The following TTC28 variants were observed in gnomAD, a reference collection of about 807,000 sequenced individuals.
The protein encoded by TTC28 is tetratricopeptide repeat domain 28.
TTC28 carries 61 observed loss-of-function variants against 198.0 expected under a neutral mutation model. The observed-to-expected ratio is 0.31, with a 90% CI of 0.25 to 0.38. The LOEUF (loss-of-function observed/expected upper bound fraction) is 0.38, where lower values mean the gene tolerates loss of function less well. TTC28 is among the 10% of genes least tolerant of loss of function. The pLI, the probability that TTC28 is intolerant of heterozygous loss-of-function variation, is 1.00. For synonymous variants in TTC28, 1,171 were observed against 1,297.8 expected (o/e 0.90, Z 2.10); for missense variants, 2,678 against 3,164.0 (o/e 0.85, Z 3.69).
intron 2 of TTC28, among the ~76,000 whole-genome samples, chr22:28,607,659 A>AT (rs1367964886): frequency 6.6e-6 from 1 of 152,032 alleles, no homozygotes; most frequent in Non-Finnish European, 1.5e-5. Flanking sequence ...TCTAATTCTG[A>AT]TTTTTTTCCT....
chr22:28,162,012 C>G (rs952122288), intron 6 of TTC28, among the ~76,000 whole-genome samples: 3 of 152,106 alleles, frequency 2.0e-5, no homozygotes, highest in Admixed American at 6.5e-5. Flanking sequence ...TGTCCTCTCC[C>G]CGTCCTGAAT....
intron 5 of TTC28, among the ~76,000 whole-genome samples, chr22:28,198,370 T>C (rs1256425035): frequency 6.6e-6 from 1 of 152,106 alleles, no homozygotes; most frequent in Non-Finnish European, 1.5e-5. Context: ...CATTGCTTTT[T>C]ATACAAACAA....
At chr22:28,347,282 A>C (rs2045919125) in intron 2 of TTC28, among the ~76,000 whole-genome samples, 1 of 151,506 alleles carries the variant, frequency 6.6e-6, no homozygotes, top group Non-Finnish European at 1.5e-5. Flanking sequence ...AAAAAAAAAA[A>C]AAACAAAAAA....
intron 2 of TTC28, among the ~76,000 whole-genome samples, chr22:28,563,916 G>A (rs950055034): frequency 6.6e-6 from 1 of 152,080 alleles, no homozygotes. Context: ...CGAATGAATG[G>A]ATAAATGAAT....
rs1023294578 is a variant in TTC28 at position 28,411,273 on chromosome 22, A to T, written c.382-104630T>A. On this transcript the variant is annotated intron_variant, in intron 2 of 22. Transcript: ENST00000397906. ...AGCTTTCAGAGTGAATAACAGAAACACTTGGAGATCCTAGCTATCTGATGC... is the reference window on the plus strand; with the variant it reads ...AGCTTTCAGAGTGAATAACAGAAACTCTTGGAGATCCTAGCTATCTGATGC... Among the ~76,000 whole-genome samples, 3 of 152,326 alleles carry T rather than the reference A, an allele frequency of 2.0e-5. No individual in the cohort carries two copies. In the East Asian group the frequency reaches 5.8e-4, roughly 29 times the overall value.
intron 2 of TTC28, among the ~76,000 whole-genome samples, chr22:28,472,922 GA>G (rs2048116971): frequency 6.6e-6 from 1 of 152,106 alleles, no homozygotes; most frequent in East Asian, 1.9e-4. Context: ...TCAGAATGGA[GA>G]AAGAAAGGAT....
intron 2 of TTC28, among the ~76,000 whole-genome samples, chr22:28,553,221 G>A (rs1022547323): frequency 6.6e-6 from 1 of 151,972 alleles, no homozygotes; most frequent in Non-Finnish European, 1.5e-5. Flanking sequence ...CGTCTGGGAA[G>A]TGAGGAGCGT....
chr22:28,514,728 T>C (rs1217304017), intron 2 of TTC28, among the ~76,000 whole-genome samples: 1 of 152,198 alleles, frequency 6.6e-6, no homozygotes, highest in African/African-American at 2.4e-5. Context: ...TCTCAATACA[T>C]ATGGTATGCA....
intron 5 of TTC28, among the ~76,000 whole-genome samples, chr22:28,262,828 G>A (rs980374119): frequency 1.3e-5 from 2 of 152,126 alleles, no homozygotes; most frequent in East Asian, 1.9e-4. Flanking sequence ...GGGAGAGGAT[G>A]GTTCCTACGA....
At chr22:28,647,820 C>G (rs1350372890) in intron 1 of TTC28, among the ~76,000 whole-genome samples, 1 of 151,648 alleles carries the variant, frequency 6.6e-6, no homozygotes, top group African/African-American at 2.4e-5. Flanking sequence ...GCCTGGGCGA[C>G]AGAGTGAGAC....
Position 28,068,159 on chromosome 22 carries a change from T to A in TTC28, c.3932+25921A>T, listed in dbSNP as rs1404585918. On this transcript the variant is annotated intron_variant, in intron 12 of 22. Coordinates refer to ENST00000397906, the MANE Select transcript of TTC28 (RefSeq NM_001145418.2). ...CTTTTCATGAGCCTTGACAGAGCTC[T>A]AATAAGAGCTTATCCACAGTAAATG... Among the ~76,000 whole-genome samples, 3 of 152,196 alleles carry A rather than the reference T, an allele frequency of 2.0e-5. No homozygotes were observed. In the East Asian group the frequency reaches 5.8e-4, roughly 29 times the overall value.
intron 2 of TTC28, among the ~76,000 whole-genome samples, chr22:28,437,156 C>G (rs2047532857): frequency 6.6e-6 from 1 of 152,184 alleles, no homozygotes; most frequent in South Asian, 2.1e-4. Flanking sequence ...GACCTCAGCT[C>G]ACTGCAACCT....
At chr22:28,007,655 C>A (rs892598990) in intron 14 of TTC28, 1 of 152,156 alleles carries the variant, frequency 6.6e-6, no homozygotes. Flanking sequence ...TAAAAATGAT[C>A]CCTCCACCCC....
Position 28,648,221 on chromosome 22 carries a change from C to CACA in TTC28, c.103-18392_103-18391insTGT, listed in dbSNP as rs1555907618. 1.6e-4 allele frequency among the ~76,000 whole-genome samples: 10 copies of CACA among 62,486 alleles called. No homozygotes were observed. The East Asian group carries it at 4.4e-3, about 28-fold the overall frequency. 41.0% of individuals were successfully genotyped at this position (62,486 alleles called of 152,430 possible). ...CCTGGGCGACCAAACGAGACTCTGTCAAAAAAAAAAAAAAAAAAAAATGCT... is the reference window on the plus strand; with the variant it reads ...CCTGGGCGACCAAACGAGACTCTGTCACAAAAAAAAAAAAAAAAAAAAAATGCT... On this transcript the variant is annotated intron_variant, in intron 1 of 22. Coordinates refer to ENST00000397906, the MANE Select transcript of TTC28 (RefSeq NM_001145418.2).
intron 2 of TTC28, among the ~76,000 whole-genome samples, chr22:28,606,033 C>T (rs1382831031): frequency 6.6e-6 from 1 of 151,092 alleles, no homozygotes; most frequent in Admixed American, 6.6e-5. Flanking sequence ...ATAATGTATA[C>T]ATAGATCAAA....
At chr22:28,322,913 T>C (rs2045469693) in intron 2 of TTC28, among the ~76,000 whole-genome samples, 1 of 152,164 alleles carries the variant, frequency 6.6e-6, no homozygotes, top group South Asian at 2.1e-4. Flanking sequence ...TCATGACCAC[T>C]TCCTCCCATC....
chr22:28,057,376 T>A (rs1232483125), intron 12 of TTC28, among the ~76,000 whole-genome samples: 1 of 152,212 alleles, frequency 6.6e-6, no homozygotes, highest in African/African-American at 2.4e-5. Context: ...ACTTCTATCA[T>A]GCTAGATATC....
chr22:28,204,445 A>C (rs1241861284), intron 5 of TTC28, among the ~76,000 whole-genome samples: 1 of 152,140 alleles, frequency 6.6e-6, no homozygotes, highest in Non-Finnish European at 1.5e-5. Flanking sequence ...TTCTATTCTC[A>C]TATTAATCCT....
chr22:28,542,392 ATAAG>A (rs2049433914), intron 2 of TTC28, among the ~76,000 whole-genome samples: 1 of 152,146 alleles, frequency 6.6e-6, no homozygotes, highest in African/African-American at 2.4e-5. Flanking sequence ...AAAAATCTGA[ATAAG>A]TAATGGCAGA....
Sources: allele counts gnomAD v4.1 joint callset (sites outside exome capture counted in the v4.1 genomes callset), GRCh38; gene constraint gnomAD v4.1.1; transcripts MANE v1.5; gene names NCBI Gene and HGNC (gene_info 2026-07-23, HGNC 2026-07-21).